The following UROS variants were observed in gnomAD, a reference collection of about 807,000 sequenced individuals.
The protein encoded by UROS is uroporphyrinogen-III synthase.
Under a neutral mutation model 33.0 loss-of-function variants are expected in UROS, and 18 were observed. The observed-to-expected ratio is 0.55, with a 90% confidence interval of 0.38 to 0.81. The LOEUF is 0.81. UROS is among the 30% of genes least tolerant of loss of function. The pLI is 0.00. For missense variants in UROS, 293 were observed against 314.9 expected, an observed-to-expected ratio of 0.93 and a Z score of 0.53; for synonymous variants, 114 against 121.1, an observed-to-expected ratio of 0.94 and a Z score of 0.38.
chr10:125,795,131 T>C (rs1851249459), intron 8 of UROS, 153 bp from the exon 9 acceptor site: 2 of 712,668 alleles, frequency 2.8e-6, no homozygotes, highest in South Asian at 3.0e-5. Flanking sequence ...CATCCTCTGC[T>C]CCAGTGAGGC....
At chr10:125,789,101 C>T (rs548963357) in intron 9 of UROS, 96 bp from the exon 10 acceptor site, 23 of 1,513,260 alleles carry the variant, frequency 1.5e-5, no homozygotes, top group African/African-American at 1.1e-4. Context: ...GCCAGCTTTG[C>T]GGTTGGACGT....
intron 3 of UROS, among the ~76,000 whole-genome samples, chr10:125,815,498 G>A (rs1316638732): frequency 6.6e-6 from 1 of 152,142 alleles, no homozygotes. Flanking sequence ...TAATAAAAAT[G>A]GGAATATTCA....
At chr10:125,800,183 G>T (rs577959083) in intron 6 of UROS, among the ~76,000 whole-genome samples, 2 of 152,322 alleles carry the variant, frequency 1.3e-5, no homozygotes, top group South Asian at 4.1e-4. Context: ...TGCCTAGGCA[G>T]ATAGGGAAGG....
chr10:125,821,840 C>G (rs1240545877), intron 1 of UROS, among the ~76,000 whole-genome samples: 2 of 152,154 alleles, frequency 1.3e-5, no homozygotes, highest in Non-Finnish European at 2.9e-5. Flanking sequence ...TTTCAAGCTG[C>G]CCCATCAGAT....
At position 125,798,972 on chromosome 10, in the gene UROS, C is replaced by A. The variant is rs1374049185; in HGVS notation, c.395-827G>T. ...AGAACCAGCCATTACCCCCCACATC[C>A]ATCCGTAAGACATAAGAAATTTTAA... is the stretch of plus-strand genomic sequence containing the variant. On this transcript the variant is annotated intron_variant, in intron 6 of 9. Transcript: ENST00000368797. Among the ~76,000 whole-genome samples, 6 of 152,328 alleles carry A rather than the reference C, an allele frequency of 3.9e-5. No individual in the cohort carries two copies. In the East Asian group the frequency reaches 9.7e-4, roughly 25 times the overall value.
At chr10:125,817,410 C>T (rs1004320437) in intron 1 of UROS, among the ~76,000 whole-genome samples, 2 of 150,768 alleles carry the variant, frequency 1.3e-5, no homozygotes, top group Admixed American at 1.3e-4. Flanking sequence ...TTCTGCTTGC[C>T]CTTTTACCTT....
intron 7 of UROS, 129 bp downstream of exon 7, chr10:125,797,935 TG>T (rs1302146854): frequency 9.7e-6 from 10 of 1,030,298 alleles, no homozygotes; most frequent in Non-Finnish European, 1.5e-5. Flanking sequence ...CTGTGTCTCC[TG>T]GCCTGGCTTA....
At chr10:125,794,018 C>T (rs2133820890) in intron 9 of UROS, 1 of 152,226 alleles carries the variant, frequency 6.6e-6, no homozygotes, top group Non-Finnish European at 1.5e-5. Context: ...TTCTGGATAC[C>T]CACCACTGGA....
intron 1 of UROS, among the ~76,000 whole-genome samples, chr10:125,819,527 C>T (rs1853662805): frequency 6.6e-6 from 1 of 152,138 alleles, no homozygotes; most frequent in Admixed American, 6.5e-5. Flanking sequence ...CTCCCTCTCT[C>T]CTGCTTACTA....
At chr10:125,795,194 T>G (rs1281915478) in intron 8 of UROS, 1 of 595,652 alleles carries the variant, frequency 1.7e-6, no homozygotes, top group East Asian at 3.0e-5. Context: ...AGAAAGCTGG[T>G]GCTGCCCCAG....
At chr10:125,799,588 G>T (rs1054741335) in intron 6 of UROS, among the ~76,000 whole-genome samples, 2 of 152,174 alleles carry the variant, frequency 1.3e-5, no homozygotes, top group African/African-American at 4.8e-5. Flanking sequence ...GTCCTGAGCT[G>T]CTCATTCTTA....
At chr10:125,785,257 C>T (rs988578774), downstream of UROS, 11 of 152,282 alleles carry the variant, frequency 7.2e-5, no homozygotes, top group East Asian at 9.6e-4. Flanking sequence ...TCCAGCTCTT[C>T]GATCTGTATT....
At chr10:125,818,218 A>C (rs1225226810) in intron 1 of UROS, among the ~76,000 whole-genome samples, 2 of 152,214 alleles carry the variant, frequency 1.3e-5, no homozygotes, top group Admixed American at 1.3e-4. Flanking sequence ...ACAGTGGTTC[A>C]TGCCTGGTAA....
At position 125,788,773 on chromosome 10, in the gene UROS, G is replaced by A. The variant is rs1338554117; in HGVS notation, c.*95C>T. 1.5e-5 allele frequency: 22 copies of A among 1,485,032 alleles called. No individual in the cohort carries two copies. Among genetic ancestry groups the A allele is most frequent in the African/African-American group, 2.8e-5 (2 of 71,468 alleles). 92.0% of individuals were successfully genotyped at this position (1,485,032 alleles called of 1,614,324 possible). On this transcript the variant is annotated 3_prime_UTR_variant, in exon 10 of 10. Transcript: ENST00000368797. The stretch of plus-strand genomic sequence containing the variant: ...CTCAGGCTTGAGGCAGGAGTCTGAC[G>A]GCAGCAGCTCCCGAGAGCCCTTGCC...
chr10:125,789,177 T>C, intron 9 of UROS, 172 bp from the exon 10 acceptor site: 2 of 1,419,954 alleles, frequency 1.4e-6, no homozygotes, highest in South Asian at 2.7e-5. Flanking sequence ...CTTCTGAGCG[T>C]GCAAAATACC....
intron 9 of UROS, chr10:125,794,477 T>C (rs1184808839): frequency 3.6e-6 from 2 of 561,794 alleles, no homozygotes; most frequent in African/African-American, 2.0e-5. Context: ...TTAAAAGATA[T>C]GAAAAAGGTG....
chr10:125,785,858 G>A (rs762224713), downstream of UROS: 2 of 152,262 alleles, frequency 1.3e-5, no homozygotes, highest in Non-Finnish European at 2.9e-5. Flanking sequence ...GAAGGCACGT[G>A]AGAGCAGATG....
intron 8 of UROS, among the ~76,000 whole-genome samples, chr10:125,795,624 C>A (rs1447801281): frequency 2.0e-5 from 3 of 152,184 alleles, no homozygotes; most frequent in Non-Finnish European, 4.4e-5. Flanking sequence ...ACTATGGGCT[C>A]AGCCTCCCTC....
chr10:125,805,217 C>T (rs765717956), intron 6 of UROS, among the ~76,000 whole-genome samples: 6 of 152,170 alleles, frequency 3.9e-5, no homozygotes, highest in South Asian at 4.1e-4. Flanking sequence ...TCCTCTAAAC[C>T]GGAGGCTCCT....
Sources: gnomAD v4.1 joint callset for allele counts (sites outside exome capture counted in the v4.1 genomes callset) on GRCh38, gnomAD v4.1.1 for gene constraint, MANE v1.5 for transcripts, NCBI Gene and HGNC (gene_info 2026-07-23, HGNC 2026-07-21) for gene names.